ALMS1: variants seen among roughly 807,000 people sequenced by gnomAD.
The protein encoded by ALMS1 is ALMS1 centrosome and basal body associated protein.
In ALMS1, 271 loss-of-function variants were observed where a neutral mutation model predicts 352.2. The observed-to-expected ratio is 0.77, with a 90% CI of 0.70 to 0.85. The LOEUF (loss-of-function observed/expected upper bound fraction) is 0.85. ALMS1 is among the 40% of genes least tolerant of loss of function. The probability of loss-of-function intolerance (pLI) is 0.00; values close to 1 mark genes in which losing one functional copy is unlikely to be tolerated. For synonymous variants in ALMS1, 1,865 were observed against 1,761.2 expected, an observed-to-expected ratio of 1.06 and a Z score of -1.48; for missense variants, 5,445 against 4,870.7, an observed-to-expected ratio of 1.12 and a Z score of -3.51.
intron 4 of ALMS1, among the ~76,000 whole-genome samples, chr2:73,423,432 TAAG>T (rs1315267678): frequency 6.6e-6 from 1 of 152,190 alleles, no homozygotes; most frequent in Non-Finnish European, 1.5e-5. Context: ...CAATATGAAG[TAAG>T]AAGATTTTTA....
rs942994442 is a variant in ALMS1, at chr2:73,606,445, C to A, written c.12363-2030C>A. 2.0e-5 allele frequency among the ~76,000 whole-genome samples: 3 copies of A among 152,168 alleles called. No homozygotes were observed. In the East Asian group the frequency reaches 5.8e-4, roughly 29 times the overall value. On this transcript the variant is annotated intron_variant, in intron 21 of 22. Coordinates refer to ENST00000613296, the MANE Select transcript of ALMS1 (RefSeq NM_001378454.1). ...ATACTCTCACCTCAGCAAGAGCAGT[C>A]CCTGCTGTAAGGGACTAGGAAGCTT...
At chr2:73,547,268 C>T (rs1674342177) in intron 12 of ALMS1, among the ~76,000 whole-genome samples, 1 of 152,106 alleles carries the variant, frequency 6.6e-6, no homozygotes, top group East Asian at 1.9e-4. Context: ...CTTACCAGGA[C>T]ATAACTACAT....
chr2:73,580,696 A>C (rs1675158575), intron 16 of ALMS1, among the ~76,000 whole-genome samples: 1 of 152,220 alleles, frequency 6.6e-6, no homozygotes, highest in African/African-American at 2.4e-5. Context: ...TCTGGACATC[A>C]GATTTTCCTC....
In ALMS1 at chr2:73,385,880, G is replaced by C. The variant is rs1260367236; in HGVS notation, c.12G>C (p.Glu4Asp). The C allele has an allele frequency of 6.3e-6, 5 of 787,546 alleles. No homozygotes were observed. Among genetic ancestry groups the C allele is most frequent in the Non-Finnish European group, 1.1e-5 (5 of 459,738 alleles). 48.8% of individuals were successfully genotyped at this position (787,546 alleles called of 1,614,324 possible). A position where few individuals can be genotyped will look rare whatever the true frequency, so the allele number is the denominator to read the frequency against. The change falls in exon 1 of 23, where the codon GAG becomes GAC. Residue 4 changes from glutamate (E) to aspartate (D), a missense_variant. Coordinates refer to ENST00000613296, the MANE Select transcript of ALMS1 (RefSeq NM_001378454.1). MEP[E>D]DLPWPGELEE... ...AGCGAGACACCAACATGGAGCCCGA[G>C]GATCTGCCATGGCCGGGCGAGCTGG...
intron 13 of ALMS1, among the ~76,000 whole-genome samples, chr2:73,550,714 A>G (rs1194009742): frequency 6.6e-6 from 1 of 152,214 alleles, no homozygotes; most frequent in Non-Finnish European, 1.5e-5. Context: ...CCAATCAAGT[A>G]TGTTTTAGAT....
chr2:73,531,673 T>C (rs1301589323), intron 11 of ALMS1, among the ~76,000 whole-genome samples: 1 of 152,240 alleles, frequency 6.6e-6, no homozygotes, highest in Non-Finnish European at 1.5e-5. Flanking sequence ...GTATTCATTT[T>C]CACACTGCTT....
Position 73,449,800 on chromosome 2 carries a change from A to T in ALMS1, c.3273A>T (p.Ala1091=). 1.2e-6 allele frequency: 2 copies of T among 1,613,972 alleles called. No homozygotes were observed. The highest frequency in any genetic ancestry group is 1.7e-6 in the Non-Finnish European group (2 of 1,179,938). Residue 1091 remains alanine (A), a synonymous_variant, in exon 8 of 23, where the codon GCA becomes GCT. Transcript: ENST00000613296. ...CTGACCAGATGACTGACACACCAGC[A>T]GTACCGTCTACTTTCTACTCACAAA... ...GPADQMTDTP[A]VPSTFYSQRE...
intron 21 of ALMS1, among the ~76,000 whole-genome samples, chr2:73,604,274 T>C (rs1444305557): frequency 6.6e-6 from 1 of 152,208 alleles, no homozygotes; most frequent in African/African-American, 2.4e-5. Context: ...GGTACATTTC[T>C]GTAATCCTAC....
intron 10 of ALMS1, among the ~76,000 whole-genome samples, chr2:73,514,354 A>G (rs1027181198): frequency 3.9e-5 from 6 of 152,006 alleles, no homozygotes; most frequent in African/African-American, 1.4e-4. Context: ...AGAGATTATA[A>G]TATACTTCCT....
intron 9 of ALMS1, among the ~76,000 whole-genome samples, chr2:73,468,950 A>G (rs1036722819): frequency 5.9e-5 from 9 of 151,896 alleles, no homozygotes; most frequent in African/African-American, 1.7e-4. Flanking sequence ...CCAACAAATC[A>G]CATTTGTAGG....
At chr2:73,521,051 G>A (rs922576387) in intron 11 of ALMS1, among the ~76,000 whole-genome samples, 7 of 152,060 alleles carry the variant, frequency 4.6e-5, no homozygotes, top group African/African-American at 7.2e-5. Context: ...GTTTAGTTCA[G>A]CATTTAAATT....
chr2:73,481,702 C>T (rs1213336260), intron 9 of ALMS1, among the ~76,000 whole-genome samples: 40 of 151,118 alleles, frequency 2.6e-4, no homozygotes, highest in Non-Finnish European at 2.9e-5. Context: ...ATTCTTCCTA[C>T]CCATGAGCAT....
rs58089734 is a variant in ALMS1 at position 73,585,726 on chromosome 2, C to CTTTTTTTTTT, written c.11547+12308_11547+12317dup. On this transcript the variant is annotated intron_variant, in intron 16 of 22. Transcript: ENST00000613296. Reference sequence around the variant, plus strand: ...ATCATTTTTGCATACACTTCTTGGCCTTTTTTTTTTTTTTTCCCCGAGACG... The same window carrying CTTTTTTTTTT: ...ATCATTTTTGCATACACTTCTTGGCCTTTTTTTTTTTTTTTTTTTTTTTTTCCCCGAGACG... Among the ~76,000 whole-genome samples, 223 of 119,452 alleles carry CTTTTTTTTTT rather than the reference C, an allele frequency of 1.9e-3. 6 individuals carry two copies. The highest frequency in any genetic ancestry group is 5.4e-3 in the East Asian group (23 of 4,266). 78.4% of individuals were successfully genotyped at this position (119,452 alleles called of 152,430 possible). A position where few individuals can be genotyped will look rare whatever the true frequency, so the allele number is the denominator to read the frequency against.
intron 9 of ALMS1, among the ~76,000 whole-genome samples, chr2:73,466,001 A>C (rs1212513349): frequency 1.3e-5 from 1 of 76,176 alleles, no homozygotes; most frequent in African/African-American, 5.4e-5. Flanking sequence ...GCTGGAGAGG[A>C]TGTGGAGAAA....
At chr2:73,584,344 A>C (rs1223221510) in intron 16 of ALMS1, among the ~76,000 whole-genome samples, 1 of 152,156 alleles carries the variant, frequency 6.6e-6, no homozygotes, top group African/African-American at 2.4e-5. Context: ...GAGTTATTTT[A>C]CATTAGTTGT....
rs1330910084 is a variant in ALMS1, at chr2:73,490,792, A to G, written c.8833A>G (p.Asn2945Asp). Residue 2945 changes from asparagine (N) to aspartate (D), a missense_variant, in exon 10 of 23, where the codon AAC becomes GAC. Asn to Asp is a conservative substitution (Grantham distance 23). Coordinates refer to ENST00000613296, the MANE Select transcript of ALMS1 (RefSeq NM_001378454.1). The stretch of plus-strand genomic sequence containing the variant: ...ATATGTAGATCATCAAATGAGAGAA[A>G]ACCATTCTCCCCTTCCTCAAGGTCA... ...APYVDHQMRE[N>D]HSPLPQGQDS... 9.3e-6 allele frequency: 15 copies of G among 1,614,048 alleles called. No individual in the cohort carries two copies. The highest frequency in any genetic ancestry group is 1.3e-5 in the Non-Finnish European group (15 of 1,180,024).
Position 73,422,939 on chromosome 2 carries a change from A to G in ALMS1, c.729A>G (p.Leu243=), listed in dbSNP as rs1671312241. 1.9e-6 allele frequency: 3 copies of G among 1,613,354 alleles called. No homozygotes were observed. The highest frequency in any genetic ancestry group is 2.5e-6 in the Non-Finnish European group (3 of 1,179,574). The change falls in exon 4 of 23, where the codon TTA becomes TTG. Residue 243 remains leucine (L), a synonymous_variant. Coordinates refer to ENST00000613296, the MANE Select transcript of ALMS1 (RefSeq NM_001378454.1). ...TQDQEFAPDS[L]FHQSELSFAP... ...ACCAAGAATTTGCGCCTGATTCTTT[A>G]TTTCATCAAAGTGAACTAAGTTTTG... is the stretch of plus-strand genomic sequence containing the variant.
At chr2:73,436,112 G>A (rs1357673198) in intron 7 of ALMS1, among the ~76,000 whole-genome samples, 5 of 152,184 alleles carry the variant, frequency 3.3e-5, no homozygotes, top group South Asian at 2.1e-4. Context: ...TGTATCTGGC[G>A]TGTTTTTATT....
At chr2:73,478,948 T>C (rs1672639108) in intron 9 of ALMS1, among the ~76,000 whole-genome samples, 1 of 152,160 alleles carries the variant, frequency 6.6e-6, no homozygotes, top group Non-Finnish European at 1.5e-5. Flanking sequence ...TGTTTGGTTT[T>C]CTGTTCCTGT....
Sources: gnomAD v4.1 joint callset for allele counts (sites outside exome capture counted in the v4.1 genomes callset) on GRCh38, gnomAD v4.1.1 for gene constraint, MANE v1.5 for transcripts, NCBI Gene and HGNC (gene_info 2026-07-23, HGNC 2026-07-21) for gene names.